SLIT3: variants seen among roughly 807,000 people sequenced by gnomAD.
SLIT3 encodes the protein slit guidance ligand 3, also known as slit homolog 3 protein.
In SLIT3, 68 loss-of-function variants were observed where a neutral mutation model predicts 184.0. The observed-to-expected ratio is 0.37, with a 90% CI of 0.30 to 0.45. The LOEUF is 0.45. Among genes scored for constraint, SLIT3 ranks in the 20% least tolerant of loss-of-function variants. SLIT3 has a pLI of 1.00. For synonymous variants in SLIT3, 831 were observed against 828.6 expected (o/e 1.00, Z -0.05); for missense variants, 1,707 against 2,026.0 (o/e 0.84, Z 3.02).
intron 4 of SLIT3, among the ~76,000 whole-genome samples, chr5:168,936,780 A>G (rs1273896757): frequency 6.6e-6 from 1 of 152,060 alleles, no homozygotes; most frequent in African/African-American, 2.4e-5. Flanking sequence ...AGGGAGGGGC[A>G]CTGGAATCAT....
chr5:169,263,714 C>A (rs758013678), intron 1 of SLIT3: 2 of 509,698 alleles, frequency 3.9e-6, no homozygotes, highest in Admixed American at 2.1e-5. Context: ...TGCAGCCTCC[C>A]CCAGCTGCTC....
intron 28 of SLIT3, among the ~76,000 whole-genome samples, chr5:168,693,059 A>G (rs1046076530): frequency 6.6e-6 from 1 of 152,016 alleles, no homozygotes. Flanking sequence ...TTTTCATTCC[A>G]CACTTATTTA....
At chr5:169,249,098 G>T (rs533704069) in intron 2 of SLIT3, among the ~76,000 whole-genome samples, 2 of 152,258 alleles carry the variant, frequency 1.3e-5, no homozygotes, top group East Asian at 3.9e-4. Context: ...AAAGATAGTT[G>T]TCTAGGTTAC....
At chr5:168,745,737 T>C (rs1763777596) in intron 20 of SLIT3, among the ~76,000 whole-genome samples, 1 of 152,202 alleles carries the variant, frequency 6.6e-6, no homozygotes, top group African/African-American at 2.4e-5. Context: ...AAAGAACTTC[T>C]ACTATGGGAA....
rs776647505 is a variant in SLIT3, at chr5:168,685,872, C to T, written c.3370G>A (p.Asp1124Asn). ...GCCCCGTTCTGGCACTCGTACTGGT[C>T]GCATGGGCTGGTCTGCAGTAGGACC... ...PMVLLQTSPC[D>N]QYECQNGAQC... is the part of the protein sequence containing the mutation. Residue 1124 changes from aspartate to asparagine, a missense_variant, in exon 31 of 36, where the codon GAC becomes AAC. Asp to Asn is a conservative substitution (Grantham distance 23, BLOSUM62 1). This residue lies in a region of SLIT3 where 1,307 missense variants were observed against 1,511.6 expected (regional missense o/e 0.86). Coordinates refer to ENST00000519560, the MANE Select transcript of SLIT3 (RefSeq NM_003062.4). 79 of 1,613,642 alleles carry T rather than the reference C, an allele frequency of 4.9e-5. No individual in the cohort carries two copies. The South Asian group carries it at 7.6e-4, about 15-fold the overall frequency.
At chr5:169,209,815 G>A (rs1208744025) in intron 3 of SLIT3, among the ~76,000 whole-genome samples, 2 of 152,124 alleles carry the variant, frequency 1.3e-5, no homozygotes, top group African/African-American at 2.4e-5. Flanking sequence ...GGCAAGGGGA[G>A]GGATAGCATT....
At chr5:168,685,577 T>A in intron 31 of SLIT3, 110 bp downstream of exon 31, 4 of 1,367,964 alleles carry the variant, frequency 2.9e-6, no homozygotes, top group Non-Finnish European at 3.9e-6. Flanking sequence ...CTGAGTGTTG[T>A]CCCTGATGGT....
chr5:168,813,643 C>T (rs1757238713), intron 8 of SLIT3, among the ~76,000 whole-genome samples: 1 of 152,178 alleles, frequency 6.6e-6, no homozygotes, highest in African/African-American at 2.4e-5. Flanking sequence ...GTACAGTTGA[C>T]AGAGGAGATG....
chr5:168,785,960 C>T lies in SLIT3; in HGVS notation c.1098G>A (p.Lys366=), dbSNP rs138428716. ...ACAGTCCCTTGACAATCTCGGTGAT[C>T]TTGTTCCCATACAGGACCCTGAAAG... ...SLTSLVLYGN[K]ITEIVKGLFD... is the part of the protein sequence containing the mutation. The change falls in exon 12 of 36, where the codon AAG becomes AAA. Residue 366 remains lysine, a synonymous_variant. Coordinates refer to ENST00000519560, the MANE Select transcript of SLIT3 (RefSeq NM_003062.4). 57 of 1,612,350 alleles carry T rather than the reference C, an allele frequency of 3.5e-5. No individual in the cohort carries two copies. Among genetic ancestry groups the T allele is most frequent in the Middle Eastern group, 1.6e-4 (1 of 6,076 alleles).
chr5:169,156,886 A>G (rs1762325238), intron 4 of SLIT3, among the ~76,000 whole-genome samples: 1 of 152,190 alleles, frequency 6.6e-6, no homozygotes, highest in South Asian at 2.1e-4. Flanking sequence ...CTGGCAAGGG[A>G]CTTGGGACCT....
At chr5:168,797,806 A>T (rs1248810637) in intron 9 of SLIT3, among the ~76,000 whole-genome samples, 1 of 152,216 alleles carries the variant, frequency 6.6e-6, no homozygotes. Context: ...GAAAACCTAG[A>T]GGAATCAAAT....
chr5:168,666,983 G>A (rs945406640), intron 35 of SLIT3, among the ~76,000 whole-genome samples: 2 of 152,104 alleles, frequency 1.3e-5, no homozygotes, highest in Non-Finnish European at 1.5e-5. Flanking sequence ...ACTAGATGAC[G>A]CAAACTGATA....
chr5:169,042,363 A>G (rs1324919906), intron 4 of SLIT3, among the ~76,000 whole-genome samples: 3 of 152,228 alleles, frequency 2.0e-5, no homozygotes, highest in Non-Finnish European at 4.4e-5. Flanking sequence ...TATAACAAAA[A>G]GTCCTCAGTT....
At chr5:169,021,398 T>C (rs1469686795) in intron 4 of SLIT3, among the ~76,000 whole-genome samples, 2 of 152,174 alleles carry the variant, frequency 1.3e-5, no homozygotes, top group Non-Finnish European at 2.9e-5. Flanking sequence ...TCACCCAGGC[T>C]GGAGTGCAGT....
intron 3 of SLIT3, among the ~76,000 whole-genome samples, chr5:169,233,604 A>C (rs1352456097): frequency 6.6e-6 from 1 of 152,240 alleles, no homozygotes; most frequent in African/African-American, 2.4e-5. Flanking sequence ...CCTATGTAAC[A>C]AACCTGCACA....
Position 168,755,450 on chromosome 5 carries a change from TG to T in SLIT3, c.1686-1444del, listed in dbSNP as rs1244046402. 6.7e-5 allele frequency among the ~76,000 whole-genome samples: 8 copies of T among 119,964 alleles called. 1 individual carries two copies. Among genetic ancestry groups the T allele is most frequent in the South Asian group, 2.8e-4 (1 of 3,630 alleles). The allele number at this position is 119,964 out of a possible 152,430, so 78.7% of individuals were successfully genotyped here. ...CTTTCTTTCTTTCTTTCTTTCTTTTTGAGACAGAATTTCTCTCCTTGTTGCC... is the reference window on the plus strand; with the variant it reads ...CTTTCTTTCTTTCTTTCTTTCTTTTTAGACAGAATTTCTCTCCTTGTTGCC... On this transcript the variant is annotated intron_variant, in intron 16 of 35. Transcript: ENST00000519560.
chr5:168,797,771 G>A (rs540809994), intron 9 of SLIT3, among the ~76,000 whole-genome samples: 100 of 152,226 alleles, frequency 6.6e-4, no homozygotes, highest in Non-Finnish European at 1.2e-3. Context: ...AAACCATATT[G>A]GCCCCATTTT....
At position 168,760,846 on chromosome 5, in the gene SLIT3, C is replaced by T; in HGVS notation, c.1685+16G>A. On this transcript the variant is annotated intron_variant, in intron 16 of 35. Coordinates refer to ENST00000519560, the MANE Select transcript of SLIT3 (RefSeq NM_003062.4). The stretch of plus-strand genomic sequence containing the variant: ...AGAGAACAGAGGCTGCTGCCAAGTT[C>T]CTGAAGTTGACTTACATTTTCCGCA... 6.2e-7 allele frequency: 1 copy of T among 1,603,066 alleles called. No individual in the cohort carries two copies. Among genetic ancestry groups the T allele is most frequent in the South Asian group, 1.1e-5 (1 of 90,824 alleles).
chr5:168,798,518 C>T (rs186618173), intron 9 of SLIT3, among the ~76,000 whole-genome samples: 42 of 152,194 alleles, frequency 2.8e-4, no homozygotes, highest in African/African-American at 8.9e-4. Context: ...TGTGAGCCAC[C>T]ACGCCTGGCC....
Sources: gnomAD v4.1 joint callset for allele counts (sites outside exome capture counted in the v4.1 genomes callset) on GRCh38, gnomAD v4.1.1 for gene constraint, gnomAD v4.1.1 regional missense constraint, MANE v1.5 for transcripts, NCBI Gene and HGNC (gene_info 2026-07-23, HGNC 2026-07-21) for gene names.